Variants in RSRC1 observed in about 807,000 individuals in gnomAD.
The protein encoded by RSRC1 is arginine and serine rich coiled-coil 1.
Under a neutral mutation model 49.1 loss-of-function variants are expected in RSRC1, and 39 were observed. The ratio of observed to expected loss-of-function variants is 0.79; its 90% CI spans 0.61 to 1.04. The LOEUF (loss-of-function observed/expected upper bound fraction) is 1.04, where lower values mean the gene tolerates loss of function less well. Ranked by LOEUF, RSRC1 falls within the 50% of genes least tolerant of loss-of-function variation. RSRC1 has a pLI of 0.00. For missense variants in RSRC1, 388 were observed against 402.4 expected, an observed-to-expected ratio of 0.96 and a Z score of 0.31; for synonymous variants, 143 against 130.8, an observed-to-expected ratio of 1.09 and a Z score of -0.63.
rs146445601 is a variant in RSRC1 at position 158,413,207 on chromosome 3, T to G, written c.584-47728T>G. 5.7e-3 allele frequency among the ~76,000 whole-genome samples: 862 copies of G among 152,248 alleles called. 11 individuals carry two copies. Among genetic ancestry groups the G allele is most frequent in the African/African-American group, 0.02 (840 of 41,546 alleles). On this transcript the variant is annotated intron_variant, in intron 6 of 9. Coordinates refer to ENST00000611884, the MANE Select transcript of RSRC1 (RefSeq NM_001271838.2). ...GATCACATCTGCAACCATCTGATCT[T>G]CAACATACCTGACAAAAACAAGCAA...
intron 3 of RSRC1, among the ~76,000 whole-genome samples, chr3:158,192,897 C>T (rs1434822103): frequency 1.3e-5 from 2 of 152,012 alleles, no homozygotes; most frequent in African/African-American, 4.8e-5. Flanking sequence ...GAACCTTGAG[C>T]GATTGTTATG....
intron 7 of RSRC1, among the ~76,000 whole-genome samples, chr3:158,517,804 G>T (rs1471402878): frequency 3.2e-5 from 4 of 124,410 alleles, no homozygotes; most frequent in African/African-American, 1.3e-4. Flanking sequence ...GTTGAGACAG[G>T]GTCTGACCAG....
At position 158,471,533 on chromosome 3, in the gene RSRC1, A is replaced by G. The variant is rs529282840; in HGVS notation, c.652+10530A>G. Among the ~76,000 whole-genome samples, 5 of 152,284 alleles carry G rather than the reference A, an allele frequency of 3.3e-5. No individual in the cohort carries two copies. The East Asian group carries it at 7.7e-4, about 24-fold the overall frequency. On this transcript the variant is annotated intron_variant, in intron 7 of 9. Coordinates refer to ENST00000611884, the MANE Select transcript of RSRC1 (RefSeq NM_001271838.2). Reference sequence around the variant, plus strand: ...CAGGCAGTTCCTTGCTCCCTCTTCAAAGTAACAGTATCTCACTGTGATTTC... The same window carrying G: ...CAGGCAGTTCCTTGCTCCCTCTTCAGAGTAACAGTATCTCACTGTGATTTC...
chr3:158,317,560 CATTTT>C (rs1728530501), intron 5 of RSRC1, among the ~76,000 whole-genome samples: 1 of 145,912 alleles, frequency 6.9e-6, no homozygotes, highest in Non-Finnish European at 1.5e-5. Context: ...TGATGAGAAA[CATTTT>C]ATTTTATTTG....
intron 3 of RSRC1, among the ~76,000 whole-genome samples, chr3:158,188,045 C>T (rs1275877500): frequency 6.6e-6 from 1 of 151,824 alleles, no homozygotes; most frequent in Non-Finnish European, 1.5e-5. Context: ...TATACTTTAC[C>T]AATATCAAGG....
At chr3:158,329,344 T>C (rs1034288516) in intron 5 of RSRC1, among the ~76,000 whole-genome samples, 2 of 152,254 alleles carry the variant, frequency 1.3e-5, no homozygotes, top group Non-Finnish European at 2.9e-5. Flanking sequence ...TTTTCTGCTC[T>C]GTTTTTTCTC....
intron 6 of RSRC1, among the ~76,000 whole-genome samples, chr3:158,361,155 G>A (rs548317401): frequency 9.4e-4 from 143 of 152,246 alleles, no homozygotes; most frequent in Non-Finnish European, 1.8e-3. Flanking sequence ...CAGGCCTGGC[G>A]GTCACCCAAA....
intron 4 of RSRC1, among the ~76,000 whole-genome samples, chr3:158,243,898 T>C (rs948908149): frequency 1.3e-5 from 2 of 151,996 alleles, no homozygotes; most frequent in Admixed American, 1.3e-4. Context: ...TTTTGTATCC[T>C]GAGACTTTGC....
chr3:158,517,805 G>T (rs1395240793), intron 7 of RSRC1, among the ~76,000 whole-genome samples: 5 of 123,862 alleles, frequency 4.0e-5, no homozygotes, highest in African/African-American at 9.5e-5. Flanking sequence ...TTGAGACAGG[G>T]TCTGACCAGG....
intron 3 of RSRC1, among the ~76,000 whole-genome samples, chr3:158,166,877 C>T (rs947469310): frequency 5.9e-5 from 9 of 152,164 alleles, no homozygotes; most frequent in African/African-American, 2.2e-4. Flanking sequence ...GAAACTAATA[C>T]ATAGATTGCT....
At chr3:158,290,237 AT>A (rs1726844963) in intron 4 of RSRC1, among the ~76,000 whole-genome samples, 1 of 151,960 alleles carries the variant, frequency 6.6e-6, no homozygotes, top group East Asian at 1.9e-4. Context: ...CCATTAGTAA[AT>A]AGTAGAGCTG....
At chr3:158,306,431 T>G (rs1449373832) in intron 5 of RSRC1, among the ~76,000 whole-genome samples, 5 of 151,966 alleles carry the variant, frequency 3.3e-5, no homozygotes, top group South Asian at 2.1e-4. Context: ...TTAATACTAT[T>G]ACTATATCAT....
intron 1 of RSRC1, among the ~76,000 whole-genome samples, chr3:158,117,927 A>G (rs908782515): frequency 1.4e-5 from 2 of 139,672 alleles, no homozygotes; most frequent in African/African-American, 6.3e-5. Context: ...GAGTCCTTTA[A>G]CCTCTTTTCC....
chr3:158,294,384 C>T (rs1014027470), intron 4 of RSRC1, among the ~76,000 whole-genome samples: 1 of 152,040 alleles, frequency 6.6e-6, no homozygotes, highest in Non-Finnish European at 1.5e-5. Context: ...ACTTCATTTT[C>T]ATACTTATAT....
chr3:158,214,397 A>T (rs1171588906), intron 4 of RSRC1, among the ~76,000 whole-genome samples: 1 of 151,370 alleles, frequency 6.6e-6, no homozygotes, highest in Non-Finnish European at 1.5e-5. Context: ...GGGTTCATTG[A>T]TATCTTTTGT....
intron 3 of RSRC1, among the ~76,000 whole-genome samples, chr3:158,146,846 G>C (rs937412210): frequency 6.6e-6 from 1 of 152,020 alleles, no homozygotes; most frequent in Admixed American, 6.6e-5. Context: ...CTTCTTCCTG[G>C]TTTAGTCTTG....
chr3:158,370,708 TGG>T (rs1190008139), intron 6 of RSRC1, among the ~76,000 whole-genome samples: 1 of 151,926 alleles, frequency 6.6e-6, no homozygotes, highest in African/African-American at 2.4e-5. Context: ...AAAGCTTATA[TGG>T]ATGTTTGTGT....
At position 158,444,309 on chromosome 3, in the gene RSRC1, G is replaced by C. The variant is rs564709942; in HGVS notation, c.584-16626G>C. On this transcript the variant is annotated intron_variant, in intron 6 of 9. Coordinates refer to ENST00000611884, the MANE Select transcript of RSRC1 (RefSeq NM_001271838.2). ...AGCAAGGTACTGGCACCAAAACAGA[G>C]ATATAGACCAATGGAACAGAACAGA... Among the ~76,000 whole-genome samples, 20 of 152,188 alleles carry C rather than the reference G, an allele frequency of 1.3e-4. No homozygotes were observed. The South Asian group carries it at 4.1e-3, about 32-fold the overall frequency.
chr3:158,425,995 A>G (rs983568435), intron 6 of RSRC1, among the ~76,000 whole-genome samples: 1 of 151,720 alleles, frequency 6.6e-6, no homozygotes, highest in African/African-American at 2.4e-5. Context: ...AGCACCACAC[A>G]TGTATGAGGA....
Sources: gnomAD v4.1 joint callset for allele counts (sites outside exome capture counted in the v4.1 genomes callset) on GRCh38, gnomAD v4.1.1 for gene constraint, MANE v1.5 for transcripts, NCBI Gene and HGNC (gene_info 2026-07-23, HGNC 2026-07-21) for gene names.